Variants in GALNT13 observed in about 807,000 individuals in gnomAD.
GALNT13 encodes the protein polypeptide N-acetylgalactosaminyltransferase 13.
Under a neutral mutation model 64.2 loss-of-function variants are expected in GALNT13, and 28 were observed. That is an observed-to-expected ratio of 0.44 (90% confidence interval 0.32 to 0.60). The LOEUF (loss-of-function observed/expected upper bound fraction) is 0.60, where lower values mean the gene tolerates loss of function less well. Ranked by LOEUF, GALNT13 falls within the 20% of genes least tolerant of loss-of-function variation. The pLI is 0.05. For missense variants in GALNT13, 577 were observed against 669.8 expected, an observed-to-expected ratio of 0.86 and a Z score of 1.53; for synonymous variants, 214 against 224.6, an observed-to-expected ratio of 0.95 and a Z score of 0.42.
the GALNT13 span, among the ~76,000 whole-genome samples, chr2:153,366,919 G>T: frequency 6.6e-6 from 1 of 151,442 alleles, no homozygotes; most frequent in African/African-American, 2.4e-5. Context: ...CAGGAAGCAG[G>T]AACCATTATT....
At chr2:154,166,236 C>G (rs1343137898) in intron 4 of GALNT13, among the ~76,000 whole-genome samples, 1 of 152,112 alleles carries the variant, frequency 6.6e-6, no homozygotes, top group African/African-American at 2.4e-5. Context: ...GAAACCCCAT[C>G]TCTACTAAAA....
chr2:153,440,701 G>T, the GALNT13 span, among the ~76,000 whole-genome samples: 1 of 152,156 alleles, frequency 6.6e-6, no homozygotes, highest in Non-Finnish European at 1.5e-5. Flanking sequence ...CTAATGACCA[G>T]TGATGATATG....
At chr2:153,077,352 A>G in the GALNT13 span, among the ~76,000 whole-genome samples, 2 of 152,350 alleles carry the variant, frequency 1.3e-5, no homozygotes, top group Admixed American at 1.3e-4. Context: ...AATCTGAGTC[A>G]CAATAAAATT....
the GALNT13 span, among the ~76,000 whole-genome samples, chr2:153,311,858 G>A: frequency 6.6e-6 from 1 of 152,210 alleles, no homozygotes; most frequent in Non-Finnish European, 1.5e-5. Flanking sequence ...GGGGGACCAT[G>A]TGACTACCAG....
At chr2:153,233,715 T>A in the GALNT13 span, among the ~76,000 whole-genome samples, 52,341 of 151,998 alleles carry the variant, frequency 0.34, 9,152 homozygotes, top group Middle Eastern at 0.49. Flanking sequence ...CATGTAATAG[T>A]CTCTGCATGA....
intron 4 of GALNT13, among the ~76,000 whole-genome samples, chr2:154,208,646 G>GTGTGTGTT (rs1553495807): frequency 4.3e-5 from 6 of 140,186 alleles, no homozygotes; most frequent in African/African-American, 1.6e-4. Flanking sequence ...GTGTGTGTGT[G>GTGTGTGTT]TGTGTGTGTG....
At chr2:153,274,940 G>A in the GALNT13 span, among the ~76,000 whole-genome samples, 5 of 152,082 alleles carry the variant, frequency 3.3e-5, no homozygotes, top group Non-Finnish European at 7.4e-5. Flanking sequence ...GGTCAGTTAG[G>A]CTTAGCATAT....
intron 3 of GALNT13, among the ~76,000 whole-genome samples, chr2:154,091,419 C>T (rs1276169502): frequency 2.0e-5 from 3 of 151,788 alleles, no homozygotes; most frequent in Non-Finnish European, 2.9e-5. Context: ...TGGCTAAAAA[C>T]TCAAGACTCA....
intron 9 of GALNT13, among the ~76,000 whole-genome samples, chr2:154,388,476 A>T (rs1315029956): frequency 1.4e-5 from 2 of 140,366 alleles, no homozygotes; most frequent in East Asian, 4.0e-4. Flanking sequence ...CCAGACAAAT[A>T]TGGACTATTT....
At chr2:153,404,113 G>A in the GALNT13 span, among the ~76,000 whole-genome samples, 4 of 152,288 alleles carry the variant, frequency 2.6e-5, no homozygotes, top group African/African-American at 4.8e-5. Flanking sequence ...AAACCATAGT[G>A]GCTTGTATCA....
At chr2:153,466,616 T>G in the GALNT13 span, among the ~76,000 whole-genome samples, 1 of 152,052 alleles carries the variant, frequency 6.6e-6, no homozygotes, top group Non-Finnish European at 1.5e-5. Context: ...AGTTCACTAT[T>G]TTTGGCATCC....
intron 3 of GALNT13, among the ~76,000 whole-genome samples, chr2:153,951,384 A>C (rs1249782347): frequency 6.6e-6 from 1 of 152,142 alleles, no homozygotes; most frequent in Non-Finnish European, 1.5e-5. Flanking sequence ...TCTTTCCAGG[A>C]GGTCTGGGTA....
downstream of GALNT13, among the ~76,000 whole-genome samples, chr2:154,455,404 A>AT (rs989199254): frequency 1.8e-4 from 28 of 152,294 alleles, no homozygotes; most frequent in Admixed American, 1.8e-3. Context: ...AGAAATTCAA[A>AT]TTTTTAATGG....
intron 4 of GALNT13, among the ~76,000 whole-genome samples, chr2:154,216,934 A>G (rs1688077607): frequency 6.7e-6 from 1 of 149,948 alleles, no homozygotes; most frequent in Non-Finnish European, 1.5e-5. Context: ...GACTGGAGGC[A>G]TGGACCACCA....
At position 154,279,086 on chromosome 2, in the gene GALNT13, A is replaced by T. The variant is rs527384357; in HGVS notation, c.975+19948A>T. On this transcript the variant is annotated intron_variant, in intron 8 of 12. Transcript: ENST00000392825. ...GTATTGGACAAATGGTATAGCAATA[A>T]AGAATATCTGTGTGACACTTAGTTT... Among the ~76,000 whole-genome samples, 16 of 152,282 alleles carry T rather than the reference A, an allele frequency of 1.1e-4. 1 individual carries two copies. Among genetic ancestry groups the T allele is most frequent in the African/African-American group, 3.8e-4 (16 of 41,568 alleles).
chr2:154,324,797 G>A (rs570294391), intron 9 of GALNT13, among the ~76,000 whole-genome samples: 7 of 152,176 alleles, frequency 4.6e-5, no homozygotes, highest in Non-Finnish European at 8.8e-5. Context: ...GATGCTCACC[G>A]GCAGGAGTGT....
the GALNT13 span, among the ~76,000 whole-genome samples, chr2:153,658,939 A>T: frequency 6.6e-6 from 1 of 152,098 alleles, no homozygotes; most frequent in Admixed American, 6.6e-5. Flanking sequence ...TAATGTACAT[A>T]TATTTGTCAT....
chr2:154,163,557 T>C (rs1334437543), intron 4 of GALNT13, among the ~76,000 whole-genome samples: 1 of 152,204 alleles, frequency 6.6e-6, no homozygotes, highest in Non-Finnish European at 1.5e-5. Context: ...TTTGACTGAC[T>C]GTGGCAGTTG....
At chr2:153,571,188 A>G in the GALNT13 span, among the ~76,000 whole-genome samples, 10 of 151,860 alleles carry the variant, frequency 6.6e-5, no homozygotes, top group African/African-American at 2.4e-4. Context: ...TGGTTAACTT[A>G]ATTTCTAGTA....
Sources: gnomAD v4.1 joint callset for allele counts (sites outside exome capture counted in the v4.1 genomes callset) on GRCh38, gnomAD v4.1.1 for gene constraint, MANE v1.5 for transcripts, NCBI Gene and HGNC (gene_info 2026-07-23, HGNC 2026-07-21) for gene names.